The following DPM2 variants were observed in gnomAD, a reference collection of about 807,000 sequenced individuals.
DPM2 encodes the protein dolichyl-phosphate mannosyltransferase subunit 2, regulatory, also known as dolichol phosphate-mannose biosynthesis regulatory protein.
A neutral mutation model predicts 12.1 loss-of-function variants in DPM2; 8 were observed. The observed-to-expected ratio is 0.66, with a 90% CI of 0.39 to 1.19. The LOEUF (loss-of-function observed/expected upper bound fraction) is 1.19, where lower values mean the gene tolerates loss of function less well. Among genes scored for constraint, DPM2 ranks in the 50% most tolerant of loss-of-function variants. The pLI is 0.01. For missense variants in DPM2, 93 were observed against 102.5 expected (o/e 0.91, Z 0.40); for synonymous variants, 38 against 44.7 (o/e 0.85, Z 0.60).
rs117049970 is a variant in DPM2 at position 127,937,145 on chromosome 9, G to C, written c.93+289C>G. The C allele has an allele frequency of 1.7e-3, 594 of 345,646 alleles. 12 individuals carry two copies. In the East Asian group the frequency reaches 0.025, roughly 15 times the overall value. 21.4% of individuals were successfully genotyped at this position (345,646 alleles called of 1,614,324 possible). ...GTTTGCCATGCCTAAGAGTCAGCAG[G>C]CTAACCCAGAAGGAACAGAACTCCC... is the stretch of plus-strand genomic sequence containing the variant. On this transcript the variant is annotated intron_variant, in intron 2 of 3. Transcript: ENST00000314392.
At position 127,935,618 on chromosome 9, in the gene DPM2, T is replaced by G. The variant is rs1191638205; in HGVS notation, c.*104A>C. 5.0e-6 allele frequency: 6 copies of G among 1,199,836 alleles called. No individual in the cohort carries two copies. Among genetic ancestry groups the G allele is most frequent in the Non-Finnish European group, 7.3e-6 (6 of 825,566 alleles). 74.3% of individuals were successfully genotyped at this position (1,199,836 alleles called of 1,614,324 possible). Reference sequence around the variant, plus strand: ...GGGGACTCTGCAGGACAGGCAGGCTTGAGGAGCCACTGTGCCTGGACAGGT... The same window carrying G: ...GGGGACTCTGCAGGACAGGCAGGCTGGAGGAGCCACTGTGCCTGGACAGGT... On this transcript the variant is annotated 3_prime_UTR_variant, in exon 4 of 4. Coordinates refer to ENST00000314392, the MANE Select transcript of DPM2 (RefSeq NM_003863.4).
In DPM2 at chr9:127,937,728, C is replaced by T. The variant is rs1048804541; in HGVS notation, c.3+90G>A. 4.6e-6 allele frequency: 7 copies of T among 1,536,036 alleles called. No homozygotes were observed. The African/African-American group carries it at 9.5e-5, about 21-fold the overall frequency. On this transcript the variant is annotated intron_variant, in intron 1 of 3. Transcript: ENST00000314392. Reference sequence around the variant, plus strand: ...AATAGTGGGGGCGGGAGAGCAATCCCCGTTCCAAGTGCCCATGCCCCAGCT... The same window carrying T: ...AATAGTGGGGGCGGGAGAGCAATCCTCGTTCCAAGTGCCCATGCCCCAGCT...
intron 2 of DPM2, chr9:127,937,218 A>C (rs1363779012): frequency 2.2e-6 from 1 of 455,210 alleles, no homozygotes; most frequent in Non-Finnish European, 3.9e-6. Context: ...GTAGCGGCTA[A>C]GGATGCAATC....
intron 3 of DPM2, chr9:127,936,059 A>G: frequency 1.7e-6 from 1 of 593,584 alleles, no homozygotes. Flanking sequence ...CACCCGGTCA[A>G]CCACTTGTCT....
At chr9:127,937,276 T>A (rs1831522355) in intron 2 of DPM2, 158 bp downstream of exon 2, 1 of 574,074 alleles carries the variant, frequency 1.7e-6, no homozygotes, top group Admixed American at 3.4e-5. Flanking sequence ...ATCTATAAAA[T>A]GCGGTACCAC....
chr9:127,937,360 G>A (rs1025234973), intron 2 of DPM2, 74 bp downstream of exon 2: 3 of 1,165,460 alleles, frequency 2.6e-6, no homozygotes, highest in Admixed American at 4.0e-5. Context: ...GCCGTGCCTA[G>A]AGCCTATATA....
chr9:127,936,103 C>T (rs1164113174), intron 3 of DPM2: 2 of 623,156 alleles, frequency 3.2e-6, no homozygotes, highest in East Asian at 2.9e-5. Context: ...TCCTCCTACA[C>T]CTCACCCACC....
chr9:127,936,189 C>A (rs1013442937), intron 3 of DPM2: 1 of 1,181,002 alleles, frequency 8.5e-7, no homozygotes, highest in Admixed American at 3.2e-5. Flanking sequence ...AGCACAGCCT[C>A]AGTGCCACAG....
At chr9:127,937,785 G>T in intron 1 of DPM2, 33 bp downstream of exon 1, 4 of 1,610,966 alleles carry the variant, frequency 2.5e-6, no homozygotes, top group Non-Finnish European at 3.4e-6. Context: ...ACCCCCAGAC[G>T]CCCCTATCTC....
chr9:127,937,441 A>T lies in DPM2; in HGVS notation c.86T>A (p.Ile29Asn), dbSNP rs375275713. 6.2e-7 allele frequency: 1 copy of T among 1,612,610 alleles called. No homozygotes were observed. The highest frequency in any genetic ancestry group is 1.7e-5 in the Admixed American group (1 of 59,810). ...IIFTYYTAWV[I>N]LLPFIDSQHV... ...ACGGGGAGAATGACATACCAAGAGAATCACCCAGGCGGTGTAGTAGGTGAA... is the reference window on the plus strand; with the variant it reads ...ACGGGGAGAATGACATACCAAGAGATTCACCCAGGCGGTGTAGTAGGTGAA... The change falls in exon 2 of 4, where the codon ATT becomes AAT. Residue 29 changes from isoleucine (I) to asparagine (N), a missense_variant. Coordinates refer to ENST00000314392, the MANE Select transcript of DPM2 (RefSeq NM_003863.4).
intron 2 of DPM2, 182 bp downstream of exon 2, chr9:127,937,252 G>A: frequency 3.8e-6 from 2 of 527,922 alleles, no homozygotes; most frequent in Non-Finnish European, 6.8e-6. Context: ...TTCTCCCCTA[G>A]CCTCAGCTAT....
In DPM2 at chr9:127,935,412, C is replaced by T. The variant is rs866562299; in HGVS notation, c.*310G>A. Reference sequence around the variant, plus strand: ...TGACAGGAGGGGAAGTGAGGCAAGACGGCAGAACCCAGGGGAAAAGGTGGC... The same window carrying T: ...TGACAGGAGGGGAAGTGAGGCAAGATGGCAGAACCCAGGGGAAAAGGTGGC... On this transcript the variant is annotated 3_prime_UTR_variant, in exon 4 of 4. Coordinates refer to ENST00000314392, the MANE Select transcript of DPM2 (RefSeq NM_003863.4). 5.7e-5 allele frequency: 27 copies of T among 470,154 alleles called. No homozygotes were observed. The highest frequency in any genetic ancestry group is 5.8e-4 in the Middle Eastern group (1 of 1,726). 29.1% of individuals were successfully genotyped at this position (470,154 alleles called of 1,614,324 possible).
intron 1 of DPM2, 69 bp downstream of exon 1, chr9:127,937,749 C>T: frequency 6.3e-7 from 1 of 1,596,372 alleles, no homozygotes; most frequent in African/African-American, 1.3e-5. Flanking sequence ...GCCCATGCCC[C>T]AGCTCCTGAG....
At chr9:127,936,194 C>T in intron 3 of DPM2, 1 of 1,223,682 alleles carries the variant, frequency 8.2e-7, no homozygotes, top group Non-Finnish European at 1.1e-6. Context: ...AGCCTCAGTG[C>T]CACAGCCTGT....
intron 3 of DPM2, chr9:127,936,347 G>A (rs2131647798): frequency 6.6e-7 from 1 of 1,515,934 alleles, no homozygotes. Flanking sequence ...CAGGAAAGAG[G>A]TAGACAGGTC....
Position 127,935,715 on chromosome 9 carries a change from G to A in DPM2, c.*7C>T, listed in dbSNP as rs768897006. 4.3e-5 allele frequency: 69 copies of A among 1,613,102 alleles called. No individual in the cohort carries two copies. The highest frequency in any genetic ancestry group is 5.4e-5 in the Non-Finnish European group (64 of 1,179,308). ...AAGGGGCTGGCAGCCTCATCCCTGC[G>A]GGACCTTCACTGAGCCTTCTTGGTC... On this transcript the variant is annotated 3_prime_UTR_variant, in exon 4 of 4. Coordinates refer to ENST00000314392, the MANE Select transcript of DPM2 (RefSeq NM_003863.4).
intron 3 of DPM2, chr9:127,936,265 A>T: frequency 7.0e-7 from 1 of 1,432,446 alleles, no homozygotes; most frequent in Non-Finnish European, 9.2e-7. Context: ...TGAGAGAGAG[A>T]GGTGCAGGAA....
intron 3 of DPM2, 155 bp downstream of exon 3, chr9:127,936,398 G>T: frequency 6.4e-7 from 1 of 1,565,512 alleles, no homozygotes; most frequent in Non-Finnish European, 8.7e-7. Flanking sequence ...AAACCCAGAG[G>T]TTACTGACTG....
chr9:127,936,799 G>C, intron 2 of DPM2, 144 bp from the exon 3 acceptor site: 1 of 663,880 alleles, frequency 1.5e-6, no homozygotes, highest in Non-Finnish European at 2.2e-6. Flanking sequence ...ACGGCATTTG[G>C]GTGTCGTGGT....
Sources: gnomAD v4.1 joint callset for allele counts on GRCh38, gnomAD v4.1.1 for gene constraint, MANE v1.5 for transcripts, NCBI Gene and HGNC (gene_info 2026-07-23, HGNC 2026-07-21) for gene names.